CPED1: variants seen among roughly 807,000 people sequenced by gnomAD.
CPED1 encodes cadherin-like and PC-esterase domain-containing protein 1.
Under a neutral mutation model 128.2 loss-of-function variants are expected in CPED1, and 114 were observed. That is an observed-to-expected ratio of 0.89 (90% CI 0.76 to 1.04). The LOEUF is 1.04. Among genes scored for constraint, CPED1 ranks in the 50% least tolerant of loss-of-function variants. The probability of loss-of-function intolerance (pLI) is 0.00; values close to 1 mark genes in which losing one functional copy is unlikely to be tolerated. For missense variants in CPED1, 1,211 were observed against 1,207.1 expected (o/e 1.00, Z -0.05); for synonymous variants, 462 against 426.7 (o/e 1.08, Z -1.02).
At chr7:121,253,592 A>G (rs1798738315) in intron 18 of CPED1, among the ~76,000 whole-genome samples, 3 of 152,102 alleles carry the variant, frequency 2.0e-5, no homozygotes, top group African/African-American at 4.8e-5. Context: ...CTAACCCTAA[A>G]TGTAAATGGG....
Position 121,266,756 on chromosome 7 carries a change from G to A in CPED1, c.2581G>A (p.Val861Ile). ...CCAGACTGTATTGGTTGTTGGTGGT[G>A]TTCAGTGGCTTAATTCCAATCACCT... ...TGQTVLVVGGVQWLNSNHLQI... is the reference protein window; with the variant it reads ...TGQTVLVVGGIQWLNSNHLQI... Residue 861 changes from valine to isoleucine, a missense_variant, in exon 20 of 23, where the codon GTT becomes ATT. Physicochemically the swap from Val to Ile is conservative, Grantham distance 29. Coordinates refer to ENST00000310396, the MANE Select transcript of CPED1 (RefSeq NM_024913.5). 2 of 1,613,042 alleles carry A rather than the reference G, an allele frequency of 1.2e-6. No individual in the cohort carries two copies. The highest frequency in any genetic ancestry group is 1.7e-6 in the Non-Finnish European group (2 of 1,179,332).
At chr7:121,193,817 A>C (rs1040455763) in intron 16 of CPED1, among the ~76,000 whole-genome samples, 1 of 151,900 alleles carries the variant, frequency 6.6e-6, no homozygotes, top group African/African-American at 2.4e-5. Flanking sequence ...TCAAATTTCT[A>C]CTACTTTATA....
intron 7 of CPED1, among the ~76,000 whole-genome samples, chr7:121,120,020 G>T (rs1033424262): frequency 6.6e-6 from 1 of 152,162 alleles, no homozygotes; most frequent in Non-Finnish European, 1.5e-5. Flanking sequence ...AATAATATTT[G>T]TTGTAGGCAT....
Position 121,133,947 on chromosome 7 carries a change from C to CA in CPED1, c.1648+61dup, listed in dbSNP as rs775271636. ...CAACATAAAAATAAGTATTTCCTGG[C>CA]AAAAAAATGCAAAACTATTTAGCTT... On this transcript the variant is annotated intron_variant, in intron 13 of 22. Coordinates refer to ENST00000310396, the MANE Select transcript of CPED1 (RefSeq NM_024913.5). 192 of 976,888 alleles carry CA rather than the reference C, an allele frequency of 2.0e-4. No individual in the cohort carries two copies. In the East Asian group the frequency reaches 3.2e-3, roughly 16 times the overall value. The allele number at this position is 976,888 out of a possible 1,614,324, so 60.5% of individuals were successfully genotyped here.
At chr7:121,060,004 G>A (rs10233922) in intron 4 of CPED1, among the ~76,000 whole-genome samples, 2 of 152,036 alleles carry the variant, frequency 1.3e-5, no homozygotes, top group African/African-American at 4.8e-5. Context: ...GGCTGCGCGC[G>A]GCGCTTGCGG....
intron 7 of CPED1, among the ~76,000 whole-genome samples, chr7:121,107,541 T>A (rs1795007531): frequency 6.6e-6 from 1 of 152,052 alleles, no homozygotes; most frequent in Non-Finnish European, 1.5e-5. Context: ...CTCATCAAAT[T>A]GCTGAAAAGA....
chr7:121,154,508 T>C (rs1466675537), intron 16 of CPED1, among the ~76,000 whole-genome samples: 3 of 151,682 alleles, frequency 2.0e-5, no homozygotes, highest in African/African-American at 7.2e-5. Context: ...ACAAAATATG[T>C]TGAATTTTTT....
intron 3 of CPED1, among the ~76,000 whole-genome samples, chr7:121,034,688 T>A (rs1450063061): frequency 6.6e-6 from 1 of 152,062 alleles, no homozygotes; most frequent in Non-Finnish European, 1.5e-5. Context: ...CAAAGAACAA[T>A]TGGGCAGAGG....
chr7:121,285,102 C>T (rs562590321), intron 22 of CPED1, among the ~76,000 whole-genome samples: 2 of 152,316 alleles, frequency 1.3e-5, no homozygotes, highest in African/African-American at 2.4e-5. Flanking sequence ...GTCTTCTGTA[C>T]ACCCGCAGGT....
At position 121,271,439 on chromosome 7, in the gene CPED1, G is replaced by A. The variant is rs1430337920; in HGVS notation, c.2868+9G>A. ...GATGTCATTTCCATGAGGTATTTATGCTGGCTATCTGAGTTTTATAGCTTT... is the reference window on the plus strand; with the variant it reads ...GATGTCATTTCCATGAGGTATTTATACTGGCTATCTGAGTTTTATAGCTTT... On this transcript the variant is annotated intron_variant, in intron 22 of 22. Coordinates refer to ENST00000310396, the MANE Select transcript of CPED1 (RefSeq NM_024913.5). The A allele has an allele frequency of 2.7e-5, 44 of 1,609,758 alleles. No homozygotes were observed. Among genetic ancestry groups the A allele is most frequent in the Non-Finnish European group, 3.3e-5 (39 of 1,177,842 alleles).
At chr7:121,269,120 G>C (rs750027432) in intron 21 of CPED1, among the ~76,000 whole-genome samples, 1 of 151,998 alleles carries the variant, frequency 6.6e-6, no homozygotes, top group African/African-American at 2.4e-5. Flanking sequence ...TGTAGCAAGC[G>C]TAGTATCTAA....
At chr7:121,007,231 ATTTTTTTT>A (rs398006038) in intron 2 of CPED1, among the ~76,000 whole-genome samples, 23 of 129,824 alleles carry the variant, frequency 1.8e-4, no homozygotes, top group South Asian at 2.4e-4. Flanking sequence ...TTCAGGTTGC[ATTTTTTTT>A]TTTTTTTTTT....
intron 16 of CPED1, among the ~76,000 whole-genome samples, chr7:121,228,610 G>T (rs1254144046): frequency 7.0e-6 from 1 of 143,092 alleles, no homozygotes; most frequent in African/African-American, 2.6e-5. Context: ...ATCCAAAATA[G>T]AATTACCATC....
intron 22 of CPED1, among the ~76,000 whole-genome samples, chr7:121,273,442 A>C (rs1360902593): frequency 1.3e-5 from 2 of 152,012 alleles, no homozygotes; most frequent in African/African-American, 4.8e-5. Context: ...GAATCACTTG[A>C]ACCTGGGAAG....
At chr7:121,063,906 A>C (rs1009071914) in intron 4 of CPED1, among the ~76,000 whole-genome samples, 3 of 152,308 alleles carry the variant, frequency 2.0e-5, no homozygotes, top group Non-Finnish European at 4.4e-5. Flanking sequence ...AATTGCCACT[A>C]AATATCAAGT....
chr7:120,997,512 C>A (rs1045500156), intron 2 of CPED1, among the ~76,000 whole-genome samples: 4 of 152,204 alleles, frequency 2.6e-5, no homozygotes, highest in African/African-American at 9.7e-5. Flanking sequence ...AAGCCCTAAA[C>A]TCCAGTACCT....
At chr7:121,092,145 G>T (rs761865102) in intron 5 of CPED1, among the ~76,000 whole-genome samples, 2 of 152,160 alleles carry the variant, frequency 1.3e-5, no homozygotes, top group Non-Finnish European at 2.9e-5. Context: ...TAATCTATGA[G>T]CTGTGGATCC....
At chr7:121,105,049 C>T (rs1366270695) in intron 7 of CPED1, among the ~76,000 whole-genome samples, 1 of 152,076 alleles carries the variant, frequency 6.6e-6, no homozygotes, top group African/African-American at 2.4e-5. Context: ...CTCTCTACCA[C>T]CGCTGCACTG....
chr7:121,266,209 T>C lies in CPED1; in HGVS notation c.2311-18T>C. 1 of 1,584,480 alleles carries C rather than the reference T, an allele frequency of 6.3e-7. No individual in the cohort carries two copies. Among genetic ancestry groups the C allele is most frequent in the East Asian group, 2.2e-5 (1 of 44,670 alleles). Reference sequence around the variant, plus strand: ...TAAACATAAGCTTTTAAACAAATGCTTTCTCTTTAACTTATAGATTCTGTT... The same window carrying C: ...TAAACATAAGCTTTTAAACAAATGCCTTCTCTTTAACTTATAGATTCTGTT... On this transcript the variant is annotated intron_variant, in intron 18 of 22. Coordinates refer to ENST00000310396, the MANE Select transcript of CPED1 (RefSeq NM_024913.5).
Sources: gnomAD v4.1 joint callset for allele counts (sites outside exome capture counted in the v4.1 genomes callset) on GRCh38, gnomAD v4.1.1 for gene constraint, MANE v1.5 for transcripts, NCBI Gene and HGNC (gene_info 2026-07-23, HGNC 2026-07-21) for gene names.